Variants in ABHD6 observed in about 807,000 individuals in gnomAD.
ABHD6 encodes monoacylglycerol lipase ABHD6.
ABHD6 carries 33 observed loss-of-function variants against 38.8 expected under a neutral mutation model. The observed-to-expected ratio is 0.85, with a 90% CI of 0.64 to 1.14. The LOEUF (loss-of-function observed/expected upper bound fraction) is 1.14. Ranked by LOEUF, ABHD6 falls within the 50% of genes most tolerant of loss-of-function variation. The probability of loss-of-function intolerance (pLI) is 0.00; values close to 1 mark genes in which losing one functional copy is unlikely to be tolerated. For synonymous variants in ABHD6, 147 were observed against 161.6 expected, an observed-to-expected ratio of 0.91 and a Z score of 0.69; for missense variants, 380 against 422.6, an observed-to-expected ratio of 0.90 and a Z score of 0.88.
At position 58,252,332 on chromosome 3, in the gene ABHD6, G is replaced by A. The variant is rs115697779; in HGVS notation, c.-26+2390G>A. Among the ~76,000 whole-genome samples, 387 of 142,724 alleles carry A rather than the reference G, an allele frequency of 2.7e-3. 3 individuals carry two copies. Among genetic ancestry groups the A allele is most frequent in the African/African-American group, 0.01 (374 of 37,216 alleles). 93.6% of individuals were successfully genotyped at this position (142,724 alleles called of 152,430 possible). On this transcript the variant is annotated intron_variant, in intron 2 of 9. Coordinates refer to ENST00000478253, the MANE Select transcript of ABHD6 (RefSeq NM_001320126.2). ...AGGCTCAAGTAATCCTCCCACCTGA[G>A]TCTCCTGAGTAGCTGAGACTACAGG...
chr3:58,262,444 C>T (rs766066249), intron 3 of ABHD6, among the ~76,000 whole-genome samples: 2 of 152,104 alleles, frequency 1.3e-5, no homozygotes, highest in Admixed American at 6.6e-5. Flanking sequence ...AGAGGAACCC[C>T]GAGGAGGTCC....
Position 58,267,072 on chromosome 3 carries a change from G to A in ABHD6, c.120-117G>A. Reference sequence around the variant, plus strand: ...TAGAGACTGATGGAGGACAAGGGCTGGAGAAGTGTTTGTGTTATCACTAAG... The same window carrying A: ...TAGAGACTGATGGAGGACAAGGGCTAGAGAAGTGTTTGTGTTATCACTAAG... On this transcript the variant is annotated intron_variant, in intron 3 of 9. Transcript: ENST00000478253. This position sits in a 1 kb window ranked among gnomAD's most constrained non-coding sequence, Gnocchi z 4.3. 2 of 1,129,298 alleles carry A rather than the reference G, an allele frequency of 1.8e-6. No individual in the cohort carries two copies. The highest frequency in any genetic ancestry group is 1.3e-6 in the Non-Finnish European group (1 of 784,274). The allele number at this position is 1,129,298 out of a possible 1,614,324, so 70.0% of individuals were successfully genotyped here.
Position 58,274,828 on chromosome 3 carries a change from C to T in ABHD6, c.681+13C>T, listed in dbSNP as rs1379037756. The T allele has an allele frequency of 1.2e-6, 2 of 1,611,650 alleles. No individual in the cohort carries two copies. The highest frequency in any genetic ancestry group is 1.7e-5 in the Admixed American group (1 of 59,664). ...GGTGCCCCAGCAGGTAACGTGGTTG[C>T]AGCAGCGACACAACTACCCTCCCCA... On this transcript the variant is annotated intron_variant, in intron 7 of 9. Transcript: ENST00000478253.
In ABHD6 at chr3:58,256,756, C is replaced by T. The variant is rs1186834888; in HGVS notation, c.119+51C>T. The T allele has an allele frequency of 7.4e-6, 10 of 1,355,872 alleles. No individual in the cohort carries two copies. The East Asian group carries it at 2.3e-4, about 32-fold the overall frequency. The allele number at this position is 1,355,872 out of a possible 1,614,324, so 84.0% of individuals were successfully genotyped here. On this transcript the variant is annotated intron_variant, in intron 3 of 9. Transcript: ENST00000478253. The surrounding 1 kb of genome is among the most constrained non-coding windows in gnomAD (Gnocchi z 4.3). ...TTCAAGAGTATCATAATATTGACATCTTCTCTGCTTGTCCTTTTTGTGGTT... is the reference window on the plus strand; with the variant it reads ...TTCAAGAGTATCATAATATTGACATTTTCTCTGCTTGTCCTTTTTGTGGTT...
rs1039339124 is a variant in ABHD6, at chr3:58,266,217, C to T, written c.120-972C>T. ...TAACCCAAGCACTTTGGGAGGCCAA[C>T]GTGGATGGATCACTTGAGGCCAGGA... On this transcript the variant is annotated intron_variant, in intron 3 of 9. Transcript: ENST00000478253. This position sits in a 1 kb window ranked among gnomAD's most constrained non-coding sequence, Gnocchi z 4.0. Among the ~76,000 whole-genome samples, 2 of 152,098 alleles carry T rather than the reference C, an allele frequency of 1.3e-5. No individual in the cohort carries two copies. Among genetic ancestry groups the T allele is most frequent in the Non-Finnish European group, 2.9e-5 (2 of 68,034 alleles).
intron 1 of ABHD6, among the ~76,000 whole-genome samples, chr3:58,246,158 C>G (rs1575512592): frequency 1.3e-5 from 2 of 152,096 alleles, no homozygotes; most frequent in Non-Finnish European, 2.9e-5. Flanking sequence ...ACTTTGGGCT[C>G]CTTAAACGTA....
intron 1 of ABHD6, among the ~76,000 whole-genome samples, chr3:58,249,401 G>A (rs529874312): frequency 2.6e-5 from 4 of 152,158 alleles, no homozygotes; most frequent in South Asian, 2.1e-4. Context: ...AGTTTGTAGC[G>A]CCTCCCTGCT....
At chr3:58,245,699 G>C (rs67236250) in intron 1 of ABHD6, among the ~76,000 whole-genome samples, 64,619 of 151,914 alleles carry the variant, frequency 0.43, 14,835 homozygotes, top group African/African-American at 0.61. Flanking sequence ...AGAATTGCTT[G>C]AACCCCAGAG....
chr3:58,283,511 T>C lies in ABHD6; in HGVS notation c.682-1574T>C, dbSNP rs142063681. Among the ~76,000 whole-genome samples, 251 of 152,290 alleles carry C rather than the reference T, an allele frequency of 1.6e-3. 1 individual carries two copies. The highest frequency in any genetic ancestry group is 2.7e-3 in the Non-Finnish European group (184 of 68,028). On this transcript the variant is annotated intron_variant, in intron 7 of 9. Transcript: ENST00000478253. ...GCTTGCATGAAGTAGGTCCTAGGTA[T>C]AGATTGGATGGATTGATGGATGAGA...
chr3:58,282,702 C>T (rs2097454245), intron 7 of ABHD6, among the ~76,000 whole-genome samples: 1 of 152,150 alleles, frequency 6.6e-6, no homozygotes, highest in Non-Finnish European at 1.5e-5. Flanking sequence ...TGCCACTGCA[C>T]TCCATCCTGG....
chr3:58,287,271 G>A lies in ABHD6; in HGVS notation c.837+1818G>A, dbSNP rs969888404. On this transcript the variant is annotated intron_variant, in intron 9 of 9. Transcript: ENST00000478253. The surrounding 1 kb of genome is among the most constrained non-coding windows in gnomAD (Gnocchi z 4.7). ...TGCACACCAGCCTGGGCCACAGGGC[G>A]GGATCCTATCTCAAAAAAATAAAAA... Among the ~76,000 whole-genome samples the A allele has an allele frequency of 9.2e-5, 14 of 151,938 alleles. No homozygotes were observed. Among genetic ancestry groups the A allele is most frequent in the Middle Eastern group, 3.2e-3 (1 of 316 alleles).
chr3:58,254,427 C>T (rs926648914), intron 2 of ABHD6, among the ~76,000 whole-genome samples: 4 of 152,242 alleles, frequency 2.6e-5, no homozygotes, highest in African/African-American at 7.2e-5. Context: ...GTAATAGAGA[C>T]TCTGTGTCCC....
At position 58,267,501 on chromosome 3, in the gene ABHD6, C is replaced by A. The variant is rs377364011; in HGVS notation, c.276+156C>A. 2.8e-4 allele frequency among the ~76,000 whole-genome samples: 43 copies of A among 151,944 alleles called. No individual in the cohort carries two copies. In the South Asian group the frequency reaches 7.9e-3, roughly 28 times the overall value. ...ACAACATAAAGAAACCCTGTCTCTA[C>A]AAAAAATTAAAAAATTAGCCAGGTG... On this transcript the variant is annotated intron_variant, in intron 4 of 9. Transcript: ENST00000478253. This position sits in a 1 kb window ranked among gnomAD's most constrained non-coding sequence, Gnocchi z 4.3.
At chr3:58,270,158 A>G (rs2097443814) in intron 5 of ABHD6, among the ~76,000 whole-genome samples, 1 of 152,116 alleles carries the variant, frequency 6.6e-6, no homozygotes, top group Middle Eastern at 3.2e-3. Context: ...GGATAGATGG[A>G]TGGATGGTTG....
Position 58,274,748 on chromosome 3 carries a change from C to G in ABHD6, c.614C>G (p.Ser205Cys). ...AAVEKIPLIP[S>C]TPEEMSEMLQ... is the part of the protein sequence containing the mutation. ...GTGGAGAAGATTCCCTTGATCCCGT[C>G]TACCCCAGAAGAGATGAGTGAAATG... is the stretch of plus-strand genomic sequence containing the variant. The change falls in exon 7 of 10, where the codon TCT (serine) becomes TGT (cysteine). Residue 205 changes from serine to cysteine, a missense_variant. Coordinates refer to ENST00000478253, the MANE Select transcript of ABHD6 (RefSeq NM_001320126.2). 2 of 1,614,236 alleles carry G rather than the reference C, an allele frequency of 1.2e-6. No individual in the cohort carries two copies. The highest frequency in any genetic ancestry group is 1.7e-6 in the Non-Finnish European group (2 of 1,180,048).
chr3:58,252,026 A>C (rs2097430219), intron 2 of ABHD6, among the ~76,000 whole-genome samples: 1 of 152,118 alleles, frequency 6.6e-6, no homozygotes, highest in African/African-American at 2.4e-5. Context: ...GTTCTCATTA[A>C]ATAGATGAAG....
chr3:58,238,610 C>T lies in ABHD6; in HGVS notation c.-91+694C>T, dbSNP rs191564371. On this transcript the variant is annotated intron_variant, in intron 1 of 9. Transcript: ENST00000478253. This position sits in a 1 kb window ranked among gnomAD's most constrained non-coding sequence, Gnocchi z 6.9. ...CGCCGGCTGCAGGGCAGTGCACGTGCAGGGTTTGCGCCCCTGAGCCCACAG... is the reference window on the plus strand; with the variant it reads ...CGCCGGCTGCAGGGCAGTGCACGTGTAGGGTTTGCGCCCCTGAGCCCACAG... The T allele has an allele frequency of 6.5e-6, 1 of 152,882 alleles. No homozygotes were observed. The highest frequency in any genetic ancestry group is 6.5e-5 in the Admixed American group (1 of 15,284). 9.5% of individuals were successfully genotyped at this position (152,882 alleles called of 1,614,324 possible).
Position 58,256,833 on chromosome 3 carries a change from G to C in ABHD6, c.119+128G>C, listed in dbSNP as rs2097433728. 1.3e-6 allele frequency: 1 copy of C among 779,754 alleles called. No individual in the cohort carries two copies. Among genetic ancestry groups the C allele is most frequent in the Non-Finnish European group, 2.1e-6 (1 of 472,018 alleles). 48.3% of individuals were successfully genotyped at this position (779,754 alleles called of 1,614,324 possible). A position where few individuals can be genotyped will look rare whatever the true frequency, so the allele number is the denominator to read the frequency against. ...TTTCAGACAGAGAGAAAAGTTGAAA[G>C]GTACTCATCCTGTTTGGAATTTTGG... On this transcript the variant is annotated intron_variant, in intron 3 of 9. Coordinates refer to ENST00000478253, the MANE Select transcript of ABHD6 (RefSeq NM_001320126.2). This position sits in a 1 kb window ranked among gnomAD's most constrained non-coding sequence, Gnocchi z 4.3.
intron 2 of ABHD6, among the ~76,000 whole-genome samples, chr3:58,255,599 C>T (rs778635315): frequency 2.6e-5 from 4 of 151,556 alleles, no homozygotes; most frequent in Non-Finnish European, 5.9e-5. Flanking sequence ...TGCTGGATCA[C>T]AGGCATGAGC....
Sources: allele counts gnomAD v4.1 joint callset (sites outside exome capture counted in the v4.1 genomes callset), GRCh38; gene constraint gnomAD v4.1.1; non-coding constraint Gnocchi (gnomAD v3.1); transcripts MANE v1.5; gene names NCBI Gene and HGNC (gene_info 2026-07-23, HGNC 2026-07-21).